Variants in ARHGAP25 observed in about 807,000 individuals in gnomAD.
ARHGAP25 encodes the protein Rho GTPase activating protein 25, also known as rho GTPase-activating protein 25.
A neutral mutation model predicts 71.0 loss-of-function variants in ARHGAP25; 34 were observed. That is an observed-to-expected ratio of 0.48 (90% CI 0.36 to 0.64). The LOEUF is 0.64. ARHGAP25 is among the 30% of genes least tolerant of loss of function. The probability of loss-of-function intolerance (pLI) is 0.00; values close to 1 mark genes in which losing one functional copy is unlikely to be tolerated. For missense variants in ARHGAP25, 706 were observed against 805.1 expected (o/e 0.88, Z 1.49); for synonymous variants, 282 against 296.5 (o/e 0.95, Z 0.50).
At chr2:68,778,704 C>T (rs149107121) in intron 2 of ARHGAP25, among the ~76,000 whole-genome samples, 71 of 152,274 alleles carry the variant, frequency 4.7e-4, no homozygotes, top group Non-Finnish European at 8.4e-4. Flanking sequence ...TACCCTTAGA[C>T]ACAGTAATTC....
At chr2:68,786,905 T>G (rs1339661172) in intron 3 of ARHGAP25, among the ~76,000 whole-genome samples, 1 of 152,208 alleles carries the variant, frequency 6.6e-6, no homozygotes, top group African/African-American at 2.4e-5. Flanking sequence ...TTGAAAGGGA[T>G]CACTATTGTT....
intron 1 of ARHGAP25, among the ~76,000 whole-genome samples, chr2:68,743,214 C>G (rs1242651259): frequency 6.6e-6 from 1 of 152,190 alleles, no homozygotes; most frequent in African/African-American, 2.4e-5. Context: ...GCTTCCTCCT[C>G]CAGAGCTGCC....
At chr2:68,737,607 C>T (rs1339878949) in intron 1 of ARHGAP25, among the ~76,000 whole-genome samples, 2 of 152,096 alleles carry the variant, frequency 1.3e-5, no homozygotes, top group African/African-American at 2.4e-5. Flanking sequence ...ATTGAGAACT[C>T]CTGGAGTAGA....
At chr2:68,818,237 T>A (rs551852736) in intron 8 of ARHGAP25, among the ~76,000 whole-genome samples, 1 of 152,334 alleles carries the variant, frequency 6.6e-6, no homozygotes, top group South Asian at 2.1e-4. Context: ...ACTAGTACAA[T>A]AATAGCTAGC....
At chr2:68,727,253 G>A (rs11904791) in intron 2 of ARHGAP25, among the ~76,000 whole-genome samples, 5,453 of 152,258 alleles carry the variant, frequency 0.036, 323 homozygotes, top group African/African-American at 0.12. Context: ...CTGACTCACG[G>A]CCACAAAGAA....
At chr2:68,723,850 T>C (rs1178708521) in intron 2 of ARHGAP25, among the ~76,000 whole-genome samples, 1 of 151,516 alleles carries the variant, frequency 6.6e-6, no homozygotes, top group Non-Finnish European at 1.5e-5. Context: ...GGGAAATGGG[T>C]GATGTGGGAG....
At chr2:68,743,991 C>G (rs1430679414) in intron 1 of ARHGAP25, among the ~76,000 whole-genome samples, 3 of 152,162 alleles carry the variant, frequency 2.0e-5, no homozygotes, top group Non-Finnish European at 4.4e-5. Context: ...ATCTTTAAAC[C>G]TGGAGTCATT....
At chr2:68,762,319 T>C (rs4854510) in intron 1 of ARHGAP25, among the ~76,000 whole-genome samples, 129,053 of 152,212 alleles carry the variant, frequency 0.85, 54,955 homozygotes, top group African/African-American at 0.9. Context: ...GTGATGGTTG[T>C]GCAATAATGT....
At chr2:68,825,192 G>C (rs1193036215) in intron 10 of ARHGAP25, among the ~76,000 whole-genome samples, 1 of 152,170 alleles carries the variant, frequency 6.6e-6, no homozygotes, top group Non-Finnish European at 1.5e-5. Context: ...AGTTCCCTCT[G>C]TTTCTCCAAA....
chr2:68,826,208 A>G lies in ARHGAP25; in HGVS notation c.*14A>G, dbSNP rs1032427471. ...ACCGAGGCTTAAGGGTCCCAGGAGTACTGCAGGGACAGCCCCAGAGAGGCC... is the reference window on the plus strand; with the variant it reads ...ACCGAGGCTTAAGGGTCCCAGGAGTGCTGCAGGGACAGCCCCAGAGAGGCC... On this transcript the variant is annotated 3_prime_UTR_variant, in exon 11 of 11. Coordinates refer to ENST00000409202, the MANE Select transcript of ARHGAP25 (RefSeq NM_001007231.3). 13 of 1,613,094 alleles carry G rather than the reference A, an allele frequency of 8.1e-6. No individual in the cohort carries two copies. Among genetic ancestry groups the G allele is most frequent in the Non-Finnish European group, 1.0e-5 (12 of 1,179,142 alleles).
chr2:68,775,385 T>C lies in ARHGAP25; in HGVS notation c.226T>C (p.Tyr76His). 6.2e-7 allele frequency: 1 copy of C among 1,614,228 alleles called. No individual in the cohort carries two copies. Among genetic ancestry groups the C allele is most frequent in the Non-Finnish European group, 8.5e-7 (1 of 1,180,040 alleles). ...CTTTGTGCTGAGGGCGCAGCAGCTCTACTACTACAAGGATGAAGAGGACAC... is the reference window on the plus strand; with the variant it reads ...CTTTGTGCTGAGGGCGCAGCAGCTCCACTACTACAAGGATGAAGAGGACAC... ...RYFVLRAQQL[Y>H]YYKDEEDTKP... The change falls in exon 2 of 11, where the codon TAC becomes CAC. Residue 76 changes from tyrosine to histidine, a missense_variant. By Grantham distance (83) the Tyr-to-His change is moderately conservative. Coordinates refer to ENST00000409202, the MANE Select transcript of ARHGAP25 (RefSeq NM_001007231.3).
At chr2:68,737,767 G>A (rs1169231442) in intron 1 of ARHGAP25, among the ~76,000 whole-genome samples, 3 of 152,152 alleles carry the variant, frequency 2.0e-5, no homozygotes, top group Non-Finnish European at 4.4e-5. Context: ...CACTAGAATG[G>A]GCCCTTGGTG....
At chr2:68,814,209 G>A (rs977971216) in intron 6 of ARHGAP25, among the ~76,000 whole-genome samples, 4 of 152,164 alleles carry the variant, frequency 2.6e-5, no homozygotes, top group Non-Finnish European at 5.9e-5. Flanking sequence ...ATGAGACCTA[G>A]ATTTAACCTT....
At position 68,753,664 on chromosome 2, in the gene ARHGAP25, G is replaced by T. The variant is rs571436434; in HGVS notation, c.61+18404G>T. On this transcript the variant is annotated intron_variant, in intron 1 of 10. Coordinates refer to ENST00000409202, the MANE Select transcript of ARHGAP25 (RefSeq NM_001007231.3). Reference sequence around the variant, plus strand: ...ATCACTGGGGTAGATTTAGCTTGATGTTGCTCTTGAATGTAGTCTTTCCCA... The same window carrying T: ...ATCACTGGGGTAGATTTAGCTTGATTTTGCTCTTGAATGTAGTCTTTCCCA... Among the ~76,000 whole-genome samples, 14 of 152,288 alleles carry T rather than the reference G, an allele frequency of 9.2e-5. No individual in the cohort carries two copies. The South Asian group carries it at 2.9e-3, about 32-fold the overall frequency.
At position 68,825,974 on chromosome 2, in the gene ARHGAP25, T is replaced by A; in HGVS notation, c.1734-13T>A. On this transcript the variant is annotated splice_polypyrimidine_tract_variant and intron_variant, in intron 10 of 10. Transcript: ENST00000409202. ...TGCCACATTCTTTCATTCTTTTCTT[T>A]CCTTCCTTGTAGCCTTGAGAAGGAA... The A allele has an allele frequency of 6.2e-7, 1 of 1,601,498 alleles. No homozygotes were observed. The highest frequency in any genetic ancestry group is 8.5e-7 in the Non-Finnish European group (1 of 1,171,634).
In ARHGAP25 at chr2:68,819,251, C is replaced by T. The variant is rs754902466; in HGVS notation, c.1132C>T (p.Arg378Ter). The change falls in exon 9 of 11, where the codon CGA becomes TGA. Residue 378 changes from arginine (R) to a stop codon, truncating the protein, a stop_gained. Coordinates refer to ENST00000409202, the MANE Select transcript of ARHGAP25 (RefSeq NM_001007231.3). LOFTEE classifies it high-confidence loss of function. Reference sequence around the variant, plus strand: ...TGACCCCAAGAAAGCTCCAGTGGCCCGAAGCTCTGTAGGCTGGGATGCCAC... The same window carrying T: ...TGACCCCAAGAAAGCTCCAGTGGCCTGAAGCTCTGTAGGCTGGGATGCCAC... ...KNDPKKAPVA[R>*]SSVGWDATED... 2.5e-6 allele frequency: 4 copies of T among 1,614,048 alleles called. No homozygotes were observed. Among genetic ancestry groups the T allele is most frequent in the African/African-American group, 2.7e-5 (2 of 74,898 alleles).
At chr2:68,810,795 T>A (rs2311414) in intron 5 of ARHGAP25, among the ~76,000 whole-genome samples, 9 of 149,020 alleles carry the variant, frequency 6.0e-5, no homozygotes, top group African/African-American at 2.2e-4. Context: ...AGGCTAGAGT[T>A]CAGTGGTGTG....
intron 9 of ARHGAP25, chr2:68,819,845 C>G: frequency 4.5e-6 from 1 of 223,374 alleles, no homozygotes; most frequent in Non-Finnish European, 8.7e-6. Context: ...TCCCAATGTC[C>G]AAAAGCTCTG....
intron 1 of ARHGAP25, among the ~76,000 whole-genome samples, chr2:68,765,178 C>T (rs1165906100): frequency 6.6e-6 from 1 of 152,064 alleles, no homozygotes; most frequent in Non-Finnish European, 1.5e-5. Flanking sequence ...CAGTTCTTCC[C>T]ATTCATCAGC....
Sources: gnomAD v4.1 joint callset for allele counts (sites outside exome capture counted in the v4.1 genomes callset) on GRCh38, gnomAD v4.1.1 for gene constraint, MANE v1.5 for transcripts, NCBI Gene and HGNC (gene_info 2026-07-23, HGNC 2026-07-21) for gene names.